Variants in ZFPM2 observed in about 807,000 individuals in gnomAD.
The protein encoded by ZFPM2 is zinc finger protein ZFPM2.
Under a neutral mutation model 98.6 loss-of-function variants are expected in ZFPM2, and 20 were observed. The observed-to-expected ratio is 0.20, with a 90% CI of 0.14 to 0.29. The LOEUF is 0.29. Among genes scored for constraint, ZFPM2 ranks in the 10% least tolerant of loss-of-function variants. ZFPM2 has a pLI of 1.00. For missense variants in ZFPM2, 1,310 were observed against 1,388.6 expected, an observed-to-expected ratio of 0.94 and a Z score of 0.90; for synonymous variants, 518 against 502.7, an observed-to-expected ratio of 1.03 and a Z score of -0.41.
intron 3 of ZFPM2, among the ~76,000 whole-genome samples, chr8:105,544,051 G>C (rs1814638882): frequency 6.6e-6 from 1 of 152,146 alleles, no homozygotes; most frequent in South Asian, 2.1e-4. Flanking sequence ...TTTGATATCA[G>C]TTTGTTGATA....
At chr8:105,397,970 G>A (rs1811256896) in intron 1 of ZFPM2, among the ~76,000 whole-genome samples, 1 of 152,050 alleles carries the variant, frequency 6.6e-6, no homozygotes, top group Non-Finnish European at 1.5e-5. Flanking sequence ...ATCCTCATGG[G>A]CCACAGATAT....
intron 5 of ZFPM2, among the ~76,000 whole-genome samples, chr8:105,670,744 G>T (rs1563514445): frequency 6.6e-6 from 1 of 151,986 alleles, no homozygotes; most frequent in African/African-American, 2.4e-5. Context: ...TTTACTTCTT[G>T]GGCAGTTCAC....
intron 1 of ZFPM2, among the ~76,000 whole-genome samples, chr8:105,382,284 T>A (rs192011013): frequency 0.014 from 2,094 of 152,076 alleles, 34 homozygotes; most frequent in African/African-American, 0.043. Flanking sequence ...GCTTTTTTTT[T>A]AAAAATCATA....
chr8:105,698,241 A>G (rs533015748), intron 5 of ZFPM2, among the ~76,000 whole-genome samples: 1 of 152,260 alleles, frequency 6.6e-6, no homozygotes, highest in South Asian at 2.1e-4. Context: ...TCTGTTCTCA[A>G]TTTCTACATT....
At chr8:105,471,898 C>T (rs1291766130) in intron 3 of ZFPM2, among the ~76,000 whole-genome samples, 1 of 152,054 alleles carries the variant, frequency 6.6e-6, no homozygotes, top group Non-Finnish European at 1.5e-5. Flanking sequence ...GATTAAGCTG[C>T]CAGGGTTTGA....
intron 3 of ZFPM2, among the ~76,000 whole-genome samples, chr8:105,511,760 T>C (rs1813822256): frequency 6.6e-6 from 1 of 152,192 alleles, no homozygotes; most frequent in East Asian, 1.9e-4. Context: ...GAACTCTTGA[T>C]TACAGAAATC....
intron 1 of ZFPM2, among the ~76,000 whole-genome samples, chr8:105,392,615 C>T (rs1191239378): frequency 2.0e-5 from 3 of 152,142 alleles, no homozygotes; most frequent in Non-Finnish European, 2.9e-5. Flanking sequence ...AACATATAAT[C>T]TGATGGAGAG....
At chr8:105,692,249 A>G (rs1002093909) in intron 5 of ZFPM2, among the ~76,000 whole-genome samples, 2 of 152,222 alleles carry the variant, frequency 1.3e-5, no homozygotes, top group Non-Finnish European at 2.9e-5. Flanking sequence ...ATGTATTTCA[A>G]GGAAAACAAA....
intron 1 of ZFPM2, among the ~76,000 whole-genome samples, chr8:105,321,122 T>G (rs771327620): frequency 3.0e-4 from 46 of 152,268 alleles, no homozygotes; most frequent in Non-Finnish European, 4.7e-4. Context: ...TTCTTTTAGC[T>G]TTTTTAGGGG....
At position 105,473,053 on chromosome 8, in the gene ZFPM2, C is replaced by A. The variant is rs1398974198; in HGVS notation, c.301+28672C>A. On this transcript the variant is annotated intron_variant, in intron 3 of 7. Transcript: ENST00000407775. ...AGGACTACAGGCACACACCACCATG[C>A]CTAGATGATTTTTTATTTTTTTATT... Among the ~76,000 whole-genome samples the A allele has an allele frequency of 3.3e-5, 5 of 152,098 alleles. No individual in the cohort carries two copies. In the East Asian group the frequency reaches 9.7e-4, roughly 29 times the overall value.
At chr8:105,581,092 A>G (rs1815586123) in intron 4 of ZFPM2, among the ~76,000 whole-genome samples, 1 of 152,114 alleles carries the variant, frequency 6.6e-6, no homozygotes, top group Non-Finnish European at 1.5e-5. Flanking sequence ...TAACAAGCAT[A>G]AAAATCTCAG....
chr8:105,637,010 G>C (rs183275251), intron 5 of ZFPM2, among the ~76,000 whole-genome samples: 1 of 152,262 alleles, frequency 6.6e-6, no homozygotes, highest in African/African-American at 2.4e-5. Flanking sequence ...ATAAGTGATT[G>C]AGTGGGATCA....
chr8:105,516,487 C>A (rs2130528026), intron 3 of ZFPM2, among the ~76,000 whole-genome samples: 1 of 152,194 alleles, frequency 6.6e-6, no homozygotes, highest in South Asian at 2.1e-4. Context: ...TTTTAGATAA[C>A]CCTGAATAGT....
At chr8:105,671,520 A>G (rs1044827574) in intron 5 of ZFPM2, among the ~76,000 whole-genome samples, 3 of 151,956 alleles carry the variant, frequency 2.0e-5, no homozygotes, top group Non-Finnish European at 4.4e-5. Flanking sequence ...TTCTTTACTG[A>G]AATTTTAATT....
At chr8:105,722,272 G>C (rs1321330651) in intron 5 of ZFPM2, among the ~76,000 whole-genome samples, 2 of 151,630 alleles carry the variant, frequency 1.3e-5, no homozygotes, top group Non-Finnish European at 2.9e-5. Context: ...ATATTTTCTA[G>C]ACTAGGTCAA....
intron 5 of ZFPM2, chr8:105,685,650 C>T (rs1810716927): frequency 6.6e-6 from 1 of 151,874 alleles, no homozygotes; most frequent in East Asian, 1.9e-4. Flanking sequence ...TCTAATATGT[C>T]TTGAATCCGA....
At chr8:105,765,530 A>C (rs1812836623) in intron 5 of ZFPM2, among the ~76,000 whole-genome samples, 1 of 151,824 alleles carries the variant, frequency 6.6e-6, no homozygotes, top group African/African-American at 2.4e-5. Flanking sequence ...TACTTCTCTA[A>C]TGAAGCTTGT....
At chr8:105,636,361 G>A (rs1816846836) in intron 5 of ZFPM2, among the ~76,000 whole-genome samples, 1 of 152,102 alleles carries the variant, frequency 6.6e-6, no homozygotes, top group Non-Finnish European at 1.5e-5. Flanking sequence ...AACTGGTAAA[G>A]CATGCATTGA....
intron 5 of ZFPM2, among the ~76,000 whole-genome samples, chr8:105,768,513 A>G (rs1812907666): frequency 6.6e-6 from 1 of 151,940 alleles, no homozygotes; most frequent in South Asian, 2.1e-4. Flanking sequence ...CAAATGGATA[A>G]AGATCCTTTC....
Sources: allele counts gnomAD v4.1 joint callset (sites outside exome capture counted in the v4.1 genomes callset), GRCh38; gene constraint gnomAD v4.1.1; transcripts MANE v1.5; gene names NCBI Gene and HGNC (gene_info 2026-07-23, HGNC 2026-07-21).